CHD6: variants seen among roughly 807,000 people sequenced by gnomAD.
The protein encoded by CHD6 is chromodomain helicase DNA binding protein 6, also known as ATP-dependent chromatin remodeler CHD6.
A neutral mutation model predicts 276.9 loss-of-function variants in CHD6; 50 were observed. That is an observed-to-expected ratio of 0.18 (90% confidence interval 0.14 to 0.23). The LOEUF (loss-of-function observed/expected upper bound fraction) is 0.23, where lower values mean the gene tolerates loss of function less well. CHD6 is among the 10% of genes least tolerant of loss of function. The pLI, the probability that CHD6 is intolerant of heterozygous loss-of-function variation, is 1.00. For missense variants in CHD6, 2,564 were observed against 3,365.8 expected (o/e 0.76, Z 5.89); for synonymous variants, 1,173 against 1,229.3 (o/e 0.95, Z 0.96).
chr20:41,563,057 AGT>A (rs1404450947), intron 1 of CHD6, among the ~76,000 whole-genome samples: 14 of 152,342 alleles, frequency 9.2e-5, no homozygotes, highest in African/African-American at 3.1e-4. Context: ...CCTCAAAAGA[AGT>A]GTTTTAAACA....
chr20:41,536,852 C>T (rs868229261), intron 2 of CHD6, among the ~76,000 whole-genome samples: 10 of 152,172 alleles, frequency 6.6e-5, no homozygotes, highest in African/African-American at 2.4e-4. Context: ...TCTATCCAAG[C>T]TCCTGAGGAA....
chr20:41,548,799 A>G (rs6124358), intron 2 of CHD6, among the ~76,000 whole-genome samples: 53,697 of 151,442 alleles, frequency 0.35, 12,298 homozygotes, highest in African/African-American at 0.63. Flanking sequence ...ATTTACAAGA[A>G]AAAAAAAACA....
rs1230579219 is a variant in CHD6 at position 41,488,086 on chromosome 20, T to C, written c.1858-278A>G. 2.0e-5 allele frequency among the ~76,000 whole-genome samples: 3 copies of C among 152,196 alleles called. No individual in the cohort carries two copies. In the East Asian group the frequency reaches 5.8e-4, roughly 29 times the overall value. On this transcript the variant is annotated intron_variant, in intron 13 of 36. Coordinates refer to ENST00000373233, the MANE Select transcript of CHD6 (RefSeq NM_032221.5). ...CCTCCCCACCAGATACTGGGCACTG[T>C]GCCAAGGCAGTAATGTTAAAAGGGC...
At chr20:41,439,109 G>A (rs1196206499) in intron 26 of CHD6, among the ~76,000 whole-genome samples, 1 of 152,170 alleles carries the variant, frequency 6.6e-6, no homozygotes, top group South Asian at 2.1e-4. Flanking sequence ...TGTAATCCCA[G>A]TACTTTGGGA....
intron 16 of CHD6, among the ~76,000 whole-genome samples, chr20:41,483,061 T>C (rs2043330418): frequency 6.6e-6 from 1 of 152,168 alleles, no homozygotes; most frequent in African/African-American, 2.4e-5. Flanking sequence ...AATAAATATG[T>C]GGAATTTTTT....
chr20:41,603,751 C>T (rs1346023579), intron 1 of CHD6, among the ~76,000 whole-genome samples: 1 of 152,030 alleles, frequency 6.6e-6, no homozygotes, highest in East Asian at 1.9e-4. Context: ...CCTGTAATCC[C>T]AGCTACTTGA....
In CHD6 at chr20:41,484,247, A is replaced by G. The variant is rs2043360997; in HGVS notation, c.2257+105T>C. The stretch of plus-strand genomic sequence containing the variant: ...TCTGTAAAAAGGTGAGAATGCGTAC[A>G]TCCTAGCATATAATGAAAATTCAAT... On this transcript the variant is annotated intron_variant, in intron 15 of 36. Transcript: ENST00000373233. 3.0e-6 allele frequency: 4 copies of G among 1,354,164 alleles called. No homozygotes were observed. The East Asian group carries it at 6.9e-5, about 23-fold the overall frequency. The allele number at this position is 1,354,164 out of a possible 1,614,324, so 83.9% of individuals were successfully genotyped here.
In CHD6 at chr20:41,533,229, T is replaced by C. The variant is rs1409829750; in HGVS notation, c.375A>G (p.Lys125=). 6.2e-7 allele frequency: 1 copy of C among 1,613,670 alleles called. No individual in the cohort carries two copies. ...TGGCCTTTCTGGGTTCCTTTGGCTCTTTCGGTTCTCGTTTCCTCTTTGGCT... is the reference window on the plus strand; with the variant it reads ...TGGCCTTTCTGGGTTCCTTTGGCTCCTTCGGTTCTCGTTTCCTCTTTGGCT... ...EPKPKRKREP[K]EPKEPRKAKE... The change falls in exon 3 of 37, where the codon AAA becomes AAG. Residue 125 remains lysine, a synonymous_variant. Transcript: ENST00000373233.
chr20:41,580,424 G>A (rs1327978161), intron 1 of CHD6, among the ~76,000 whole-genome samples: 1 of 151,986 alleles, frequency 6.6e-6, no homozygotes, highest in African/African-American at 2.4e-5. Context: ...CACTTAGGGA[G>A]GCTGAGGATG....
intron 1 of CHD6, among the ~76,000 whole-genome samples, chr20:41,573,056 C>A (rs2045435963): frequency 1.3e-5 from 2 of 152,030 alleles, no homozygotes; most frequent in African/African-American, 4.8e-5. Context: ...ACTACAGTCG[C>A]CCGCCACCAC....
chr20:41,595,381 G>C (rs2045707111), intron 1 of CHD6, among the ~76,000 whole-genome samples: 1 of 152,134 alleles, frequency 6.6e-6, no homozygotes. Context: ...TTAAGGTGGG[G>C]CACGCCTTTC....
intron 12 of CHD6, among the ~76,000 whole-genome samples, chr20:41,489,521 C>A (rs1249611162): frequency 6.6e-6 from 1 of 152,146 alleles, no homozygotes; most frequent in Non-Finnish European, 1.5e-5. Flanking sequence ...ACTTCATAAA[C>A]CAATAAGTAA....
At chr20:41,493,326 A>G (rs2043601154) in intron 10 of CHD6, among the ~76,000 whole-genome samples, 1 of 152,298 alleles carries the variant, frequency 6.6e-6, no homozygotes, top group East Asian at 1.9e-4. Flanking sequence ...AATGTCACAT[A>G]CATCAAAATA....
At chr20:41,575,499 G>A (rs1476899863) in intron 1 of CHD6, among the ~76,000 whole-genome samples, 1 of 152,120 alleles carries the variant, frequency 6.6e-6, no homozygotes, top group East Asian at 1.9e-4. Flanking sequence ...ATACCAACTG[G>A]CTGCAACTGC....
chr20:41,553,976 C>T (rs2045183873), intron 1 of CHD6, among the ~76,000 whole-genome samples: 1 of 152,154 alleles, frequency 6.6e-6, no homozygotes, highest in Non-Finnish European at 1.5e-5. Context: ...ATGGCAAAAA[C>T]TTGTCTCTAT....
At chr20:41,535,605 T>C (rs980095299) in intron 2 of CHD6, among the ~76,000 whole-genome samples, 1 of 152,180 alleles carries the variant, frequency 6.6e-6, no homozygotes, top group Admixed American at 6.5e-5. Context: ...ACACCTGTAA[T>C]ACCAGCACTT....
rs536241684 is a variant in CHD6, at chr20:41,509,523, T to G, written c.852+3323A>C. Among the ~76,000 whole-genome samples the G allele has an allele frequency of 3.6e-4, 55 of 152,218 alleles. No individual in the cohort carries two copies. In the South Asian group the frequency reaches 0.011, roughly 32 times the overall value. ...GGAACTTTCGGGAGGAGGAAACAAC[T>G]GAGCTCAGCCTGCCAGGTATAGAAA... is the stretch of plus-strand genomic sequence containing the variant. On this transcript the variant is annotated intron_variant, in intron 5 of 36. Transcript: ENST00000373233.
At chr20:41,603,702 C>T (rs2146291142) in intron 1 of CHD6, among the ~76,000 whole-genome samples, 1 of 152,148 alleles carries the variant, frequency 6.6e-6, no homozygotes, top group African/African-American at 2.4e-5. Flanking sequence ...CCTGTCTCTA[C>T]TAAAATACAA....
chr20:41,450,872 C>T, intron 23 of CHD6, 74 bp downstream of exon 23: 3 of 1,376,710 alleles, frequency 2.2e-6, no homozygotes, highest in Non-Finnish European at 3.0e-6. Flanking sequence ...GAAGTGCTCT[C>T]CCTGTGGGGT....
Sources: gnomAD v4.1 joint callset for allele counts (sites outside exome capture counted in the v4.1 genomes callset) on GRCh38, gnomAD v4.1.1 for gene constraint, MANE v1.5 for transcripts, NCBI Gene and HGNC (gene_info 2026-07-23, HGNC 2026-07-21) for gene names.